NOVA1: variants seen among roughly 807,000 people sequenced by gnomAD.
The protein encoded by NOVA1 is NOVA alternative splicing regulator 1, also known as RNA-binding protein Nova-1.
In NOVA1, 7 loss-of-function variants were observed where a neutral mutation model predicts 38.0. That is an observed-to-expected ratio of 0.18 (90% CI 0.10 to 0.35). The LOEUF (loss-of-function observed/expected upper bound fraction) is 0.35. NOVA1 is among the 10% of genes least tolerant of loss of function. The pLI is 1.00. For missense variants in NOVA1, 460 were observed against 616.0 expected, an observed-to-expected ratio of 0.75 and a Z score of 2.68; for synonymous variants, 270 against 232.5, an observed-to-expected ratio of 1.16 and a Z score of -1.47.
chr14:26,504,842 TGA>T (rs1383591075), intron 2 of NOVA1, among the ~76,000 whole-genome samples: 1 of 151,866 alleles, frequency 6.6e-6, no homozygotes, highest in Non-Finnish European at 1.5e-5. Context: ...AAAATATAAC[TGA>T]GAGAGGGTTT....
intron 4 of NOVA1, among the ~76,000 whole-genome samples, chr14:26,449,405 T>C (rs1882427743): frequency 2.0e-5 from 3 of 152,118 alleles, no homozygotes. Context: ...AAAAGCAAAG[T>C]TAATAAAGAT....
At chr14:26,517,031 G>T in intron 2 of NOVA1, among the ~76,000 whole-genome samples, 1 of 151,148 alleles carries the variant, frequency 6.6e-6, no homozygotes, top group Admixed American at 6.6e-5. Context: ...TCAGCCTTCC[G>T]AGTAGCTGGG....
At chr14:26,521,829 A>G (rs1050629259) in intron 2 of NOVA1, among the ~76,000 whole-genome samples, 1 of 152,114 alleles carries the variant, frequency 6.6e-6, no homozygotes, top group African/African-American at 2.4e-5. Context: ...TTTATACAAG[A>G]GAAAATAAAT....
At chr14:26,577,042 A>G (rs892527938) in intron 2 of NOVA1, among the ~76,000 whole-genome samples, 2 of 151,776 alleles carry the variant, frequency 1.3e-5, no homozygotes, top group African/African-American at 2.4e-5. Context: ...CCACTATTCT[A>G]TTCTCCATTT....
intron 1 of NOVA1, chr14:26,596,166 C>T (rs73603814): frequency 0.014 from 3,320 of 230,680 alleles, 104 homozygotes; most frequent in African/African-American, 0.073. Context: ...ACTGGCAAAT[C>T]TAACTAATCC....
chr14:26,454,167 G>GA (rs572689324), intron 4 of NOVA1, among the ~76,000 whole-genome samples: 43 of 146,794 alleles, frequency 2.9e-4, no homozygotes, highest in South Asian at 6.5e-4. Context: ...AAAATGCAAA[G>GA]AAAAAAAAAA....
At chr14:26,505,787 GATTC>G (rs1566486895) in intron 2 of NOVA1, among the ~76,000 whole-genome samples, 1 of 152,048 alleles carries the variant, frequency 6.6e-6, no homozygotes, top group East Asian at 1.9e-4. Context: ...TGTTACTTGA[GATTC>G]ATTAACACAT....
rs1249065335 is a variant in NOVA1 at position 26,444,268 on chromosome 14, C to T, written c.*3691G>A. On this transcript the variant is annotated 3_prime_UTR_variant, in exon 5 of 5. Coordinates refer to ENST00000539517, the MANE Select transcript of NOVA1 (RefSeq NM_002515.3). ...TTCCAATAAAAAAATAAATCTCATA[C>T]ATTAGAAGTGGTACACAAAAAACGG... 1 of 151,938 alleles carries T rather than the reference C, an allele frequency of 6.6e-6. No homozygotes were observed. The highest frequency in any genetic ancestry group is 1.5e-5 in the Non-Finnish European group (1 of 67,980). The allele number at this position is 151,938 out of a possible 1,614,324, so 9.4% of individuals were successfully genotyped here.
intron 2 of NOVA1, among the ~76,000 whole-genome samples, chr14:26,543,328 G>C (rs542412798): frequency 2.0e-5 from 3 of 152,096 alleles, no homozygotes; most frequent in Admixed American, 2.0e-4. Flanking sequence ...ACTTCAATCT[G>C]AGTGTTCAGA....
At chr14:26,550,356 T>A (rs1891085230) in intron 2 of NOVA1, among the ~76,000 whole-genome samples, 1 of 152,102 alleles carries the variant, frequency 6.6e-6, no homozygotes, top group African/African-American at 2.4e-5. Flanking sequence ...TGAAAAAGAA[T>A]TTTTTGAAAT....
intron 2 of NOVA1, among the ~76,000 whole-genome samples, chr14:26,579,925 C>T (rs1302254391): frequency 6.6e-6 from 1 of 151,728 alleles, no homozygotes; most frequent in Non-Finnish European, 1.5e-5. Context: ...AATTATACTG[C>T]AAAATTAAAT....
intron 2 of NOVA1, among the ~76,000 whole-genome samples, chr14:26,563,289 G>A (rs1891936440): frequency 6.6e-6 from 1 of 151,082 alleles, no homozygotes; most frequent in Non-Finnish European, 1.5e-5. Context: ...CATTAGAACT[G>A]ATGGTTACAA....
intron 2 of NOVA1, among the ~76,000 whole-genome samples, chr14:26,579,531 G>A (rs1401863682): frequency 1.3e-5 from 2 of 152,084 alleles, no homozygotes; most frequent in East Asian, 1.9e-4. Flanking sequence ...CTTACAGTTA[G>A]TTGATCTTGC....
intron 2 of NOVA1, among the ~76,000 whole-genome samples, chr14:26,484,758 T>C (rs910015773): frequency 6.6e-6 from 1 of 152,204 alleles, no homozygotes; most frequent in Non-Finnish European, 1.5e-5. Flanking sequence ...GTTTGCCTCG[T>C]CAGCAGCATT....
At chr14:26,573,731 G>T (rs891630672) in intron 2 of NOVA1, among the ~76,000 whole-genome samples, 1 of 151,600 alleles carries the variant, frequency 6.6e-6, no homozygotes, top group Non-Finnish European at 1.5e-5. Flanking sequence ...GTATAAATCT[G>T]TTGGGGTGAG....
chr14:26,503,074 C>G (rs915757310), intron 2 of NOVA1, among the ~76,000 whole-genome samples: 1 of 151,892 alleles, frequency 6.6e-6, no homozygotes, highest in African/African-American at 2.4e-5. Flanking sequence ...CCACACAGCA[C>G]TTAACAAACA....
intron 4 of NOVA1, among the ~76,000 whole-genome samples, chr14:26,471,502 C>T (rs1267488923): frequency 6.6e-6 from 1 of 151,304 alleles, no homozygotes; most frequent in Non-Finnish European, 1.5e-5. Flanking sequence ...CTAAATGAAG[C>T]TCAACTCACA....
At chr14:26,595,710 T>C (rs1224866280) in intron 1 of NOVA1, 157 bp from the exon 2 acceptor site, 3 of 580,986 alleles carry the variant, frequency 5.2e-6, no homozygotes, top group African/African-American at 3.8e-5. Flanking sequence ...ATAAGCCAAT[T>C]ACATTGAAAA....
Position 26,497,020 on chromosome 14 carries a change from A to G in NOVA1, c.281-16877T>C, listed in dbSNP as rs187076030. Among the ~76,000 whole-genome samples the G allele has an allele frequency of 8.0e-4, 122 of 152,232 alleles. 2 individuals carry two copies. The highest frequency in any genetic ancestry group is 3.3e-3 in the East Asian group (17 of 5,176). On this transcript the variant is annotated intron_variant, in intron 2 of 4. Coordinates refer to ENST00000539517, the MANE Select transcript of NOVA1 (RefSeq NM_002515.3). ...ATGAACTTTGAAGTAGTTTTTTCCAATTCTGTGAAGAAAGTCATTGGTAGC... is the reference window on the plus strand; with the variant it reads ...ATGAACTTTGAAGTAGTTTTTTCCAGTTCTGTGAAGAAAGTCATTGGTAGC...
Sources: gnomAD v4.1 joint callset for allele counts (sites outside exome capture counted in the v4.1 genomes callset) on GRCh38, gnomAD v4.1.1 for gene constraint, MANE v1.5 for transcripts, NCBI Gene and HGNC (gene_info 2026-07-23, HGNC 2026-07-21) for gene names.